PHLPP1: variants seen among roughly 807,000 people sequenced by gnomAD.
The protein encoded by PHLPP1 is PH domain leucine-rich repeat-containing protein phosphatase 1.
In PHLPP1, 42 loss-of-function variants were observed where a neutral mutation model predicts 117.2. That is an observed-to-expected ratio of 0.36 (90% CI 0.28 to 0.46). PHLPP1 has a LOEUF of 0.46. PHLPP1 is among the 20% of genes least tolerant of loss of function. The probability of loss-of-function intolerance (pLI) is 1.00; values close to 1 mark genes in which losing one functional copy is unlikely to be tolerated. For synonymous variants in PHLPP1, 1,042 were observed against 970.7 expected, an observed-to-expected ratio of 1.07 and a Z score of -1.37; for missense variants, 2,084 against 2,241.9, an observed-to-expected ratio of 0.93 and a Z score of 1.42.
At chr18:62,842,368 CT>C (rs529477497) in intron 3 of PHLPP1, among the ~76,000 whole-genome samples, 259 of 142,930 alleles carry the variant, frequency 1.8e-3, no homozygotes, top group Admixed American at 2.3e-3. Flanking sequence ...TAAATGCAGA[CT>C]TTTTTTTTTT....
chr18:62,876,293 A>G (rs1175036084), intron 4 of PHLPP1, among the ~76,000 whole-genome samples: 1 of 152,158 alleles, frequency 6.6e-6, no homozygotes, highest in Non-Finnish European at 1.5e-5. Flanking sequence ...TCATCTTGCA[A>G]GAATGTGCCC....
chr18:62,720,839 C>T (rs1403364162), intron 1 of PHLPP1, among the ~76,000 whole-genome samples: 2 of 152,052 alleles, frequency 1.3e-5, no homozygotes, highest in East Asian at 1.9e-4. Context: ...TATCTTCAAA[C>T]ATCTTGAAGG....
chr18:62,823,448 C>T (rs1335262390), intron 1 of PHLPP1, among the ~76,000 whole-genome samples: 2 of 151,828 alleles, frequency 1.3e-5, no homozygotes, highest in East Asian at 3.9e-4. Flanking sequence ...CCTGTAGTCC[C>T]AGCTATTCAG....
chr18:62,833,781 T>C (rs1055719523), intron 2 of PHLPP1, among the ~76,000 whole-genome samples: 1 of 152,196 alleles, frequency 6.6e-6, no homozygotes, highest in Admixed American at 6.5e-5. Flanking sequence ...CCTTAAGTAA[T>C]TTTCCTGCTG....
chr18:62,800,897 A>G (rs1023095339), intron 1 of PHLPP1, among the ~76,000 whole-genome samples: 14 of 152,134 alleles, frequency 9.2e-5, no homozygotes, highest in African/African-American at 3.4e-4. Context: ...GGAGACATAG[A>G]GAGAAGTTCA....
At chr18:62,882,012 GTTCC>G (rs1916184907) in intron 4 of PHLPP1, among the ~76,000 whole-genome samples, 1 of 152,202 alleles carries the variant, frequency 6.6e-6, no homozygotes, top group African/African-American at 2.4e-5. Flanking sequence ...GGCAAAAGGT[GTTCC>G]TTCCTTTCCT....
At chr18:62,951,075 A>G (rs1467392925) in intron 12 of PHLPP1, among the ~76,000 whole-genome samples, 5 of 150,194 alleles carry the variant, frequency 3.3e-5, no homozygotes, top group Admixed American at 6.7e-5. Flanking sequence ...TCCGCCTCCC[A>G]GGTTCACGCC....
chr18:62,954,549 GTT>G (rs999073644), intron 12 of PHLPP1, among the ~76,000 whole-genome samples: 4 of 152,164 alleles, frequency 2.6e-5, no homozygotes, highest in African/African-American at 9.7e-5. Flanking sequence ...TTCTAAGCGT[GTT>G]GCTCACTGTG....
chr18:62,975,376 C>A (rs891135682), intron 15 of PHLPP1, 21 bp from the exon 16 acceptor site: 2 of 1,555,296 alleles, frequency 1.3e-6, no homozygotes, highest in Non-Finnish European at 1.8e-6. Context: ...TTGAGTGTCA[C>A]CCCCTCTCTT....
At chr18:62,790,745 T>C (rs1599049017) in intron 1 of PHLPP1, among the ~76,000 whole-genome samples, 2 of 152,100 alleles carry the variant, frequency 1.3e-5, no homozygotes, top group African/African-American at 4.8e-5. Context: ...ATAGAAAGAT[T>C]AGTTATGTGG....
intron 3 of PHLPP1, among the ~76,000 whole-genome samples, chr18:62,853,870 A>G (rs1436956583): frequency 6.6e-6 from 1 of 152,176 alleles, no homozygotes; most frequent in African/African-American, 2.4e-5. Flanking sequence ...AGTGGTAGAC[A>G]TTGCTGTGGA....
At chr18:62,734,163 A>G (rs1911302679) in intron 1 of PHLPP1, among the ~76,000 whole-genome samples, 1 of 152,052 alleles carries the variant, frequency 6.6e-6, no homozygotes, top group African/African-American at 2.4e-5. Flanking sequence ...CTATGGATTT[A>G]TGAGGTTGAT....
chr18:62,930,700 A>G (rs1313849537), intron 10 of PHLPP1, among the ~76,000 whole-genome samples: 1 of 152,236 alleles, frequency 6.6e-6, no homozygotes, highest in African/African-American at 2.4e-5. Flanking sequence ...GACCTAATAG[A>G]TGTCTAGAAT....
At chr18:62,851,459 A>G (rs1007984895) in intron 3 of PHLPP1, among the ~76,000 whole-genome samples, 4 of 152,000 alleles carry the variant, frequency 2.6e-5, no homozygotes, top group Non-Finnish European at 4.4e-5. Flanking sequence ...ACCATCTCTC[A>G]TATTTATTTA....
intron 1 of PHLPP1, among the ~76,000 whole-genome samples, chr18:62,771,454 A>C (rs1912774465): frequency 6.6e-6 from 1 of 152,264 alleles, no homozygotes; most frequent in African/African-American, 2.4e-5. Flanking sequence ...AAGCATCAAC[A>C]GAATTACCTG....
chr18:62,749,761 G>A (rs1403421285), intron 1 of PHLPP1, among the ~76,000 whole-genome samples: 1 of 152,190 alleles, frequency 6.6e-6, no homozygotes, highest in African/African-American at 2.4e-5. Context: ...GCTCATGCCT[G>A]TAATCCCTCT....
At chr18:62,879,079 T>TA (rs1345048688) in intron 4 of PHLPP1, among the ~76,000 whole-genome samples, 1 of 152,148 alleles carries the variant, frequency 6.6e-6, no homozygotes, top group Non-Finnish European at 1.5e-5. Flanking sequence ...GAATCACCTG[T>TA]AGTGTTTATT....
At chr18:62,791,968 A>G (rs1388324494) in intron 1 of PHLPP1, among the ~76,000 whole-genome samples, 1 of 150,994 alleles carries the variant, frequency 6.6e-6, no homozygotes, top group Non-Finnish European at 1.5e-5. Context: ...TTTTTCCTGG[A>G]GACATTTTCT....
Position 62,716,736 on chromosome 18 carries a change from T to G in PHLPP1, c.1053T>G (p.Ser351Arg). 6.6e-7 allele frequency: 1 copy of G among 1,511,708 alleles called. No individual in the cohort carries two copies. The highest frequency in any genetic ancestry group is 1.2e-5 in the South Asian group (1 of 81,614). The allele number at this position is 1,511,708 out of a possible 1,614,324, so 93.6% of individuals were successfully genotyped here. A position where few individuals can be genotyped will look rare whatever the true frequency, so the allele number is the denominator to read the frequency against. ...TGGTCTCCGACACCGAGAGCTTCAGTCTGAGTCCCAGCGCCGAGAGCGTGT... is the reference window on the plus strand; with the variant it reads ...TGGTCTCCGACACCGAGAGCTTCAGGCTGAGTCCCAGCGCCGAGAGCGTGT... ...RPVVSDTESF[S>R]LSPSAESVSD... The change falls in exon 1 of 17, where the codon AGT (serine) becomes AGG (arginine). Residue 351 changes from serine to arginine, a missense_variant. Transcript: ENST00000262719. This position sits in a 1 kb window ranked among gnomAD's most constrained non-coding sequence, Gnocchi z 5.7.
Sources: allele counts gnomAD v4.1 joint callset (sites outside exome capture counted in the v4.1 genomes callset), GRCh38; gene constraint gnomAD v4.1.1; non-coding constraint Gnocchi (gnomAD v3.1); transcripts MANE v1.5; gene names NCBI Gene and HGNC (gene_info 2026-07-23, HGNC 2026-07-21).